Variants in SEM1 observed in about 807,000 individuals in gnomAD.
The protein encoded by SEM1 is SEM1 26S proteasome subunit, also known as 26S proteasome complex subunit SEM1.
In SEM1, 3 loss-of-function variants were observed where a neutral mutation model predicts 12.7. That is an observed-to-expected ratio of 0.24 (90% CI 0.11 to 0.61). The LOEUF (loss-of-function observed/expected upper bound fraction) is 0.61. SEM1 is among the 20% of genes least tolerant of loss of function. SEM1 has a pLI of 0.88. For missense variants in SEM1, 59 were observed against 81.3 expected (o/e 0.73, Z 1.06); for synonymous variants, 30 against 27.8 (o/e 1.08, Z -0.25).
intron 2 of SEM1, among the ~76,000 whole-genome samples, chr7:96,546,596 A>T (rs923795967): frequency 1.3e-5 from 2 of 152,156 alleles, no homozygotes; most frequent in Admixed American, 6.6e-5. Flanking sequence ...AAGAAGGATT[A>T]GTCACTATAT....
intron 2 of SEM1, among the ~76,000 whole-genome samples, chr7:96,656,812 T>C (rs528473313): frequency 6.6e-5 from 10 of 151,476 alleles, no homozygotes; most frequent in African/African-American, 2.2e-4. Flanking sequence ...GGGGCTGATA[T>C]AGCCCAGTTG....
chr7:96,536,964 A>G (rs192786829), intron 2 of SEM1, among the ~76,000 whole-genome samples: 6 of 151,756 alleles, frequency 4.0e-5, no homozygotes, highest in Admixed American at 2.6e-4. Flanking sequence ...AGACTTTCCT[A>G]TTTATTTCAT....
intron 1 of SEM1, among the ~76,000 whole-genome samples, chr7:96,707,817 G>A (rs890189742): frequency 6.6e-6 from 1 of 152,160 alleles, no homozygotes; most frequent in Non-Finnish European, 1.5e-5. Context: ...TTTTTAAGCA[G>A]TCAATTATCA....
At chr7:96,562,126 T>C (rs1224536232) in intron 2 of SEM1, among the ~76,000 whole-genome samples, 1 of 152,176 alleles carries the variant, frequency 6.6e-6, no homozygotes, top group Non-Finnish European at 1.5e-5. Context: ...GAGTTAAAGT[T>C]TAGAGAGAGT....
intron 2 of SEM1, among the ~76,000 whole-genome samples, chr7:96,607,540 C>G (rs556636509): frequency 6.6e-6 from 1 of 152,248 alleles, no homozygotes; most frequent in Non-Finnish European, 1.5e-5. Flanking sequence ...AGAAGAAGTT[C>G]TAGTGCTTAA....
At chr7:96,633,925 A>C (rs2116352290) in intron 2 of SEM1, among the ~76,000 whole-genome samples, 1 of 152,294 alleles carries the variant, frequency 6.6e-6, no homozygotes, top group South Asian at 2.1e-4. Flanking sequence ...CCAATGAAAA[A>C]GTCCACTGTG....
intron 2 of SEM1, among the ~76,000 whole-genome samples, chr7:96,531,375 C>G (rs1804635143): frequency 6.6e-6 from 1 of 151,254 alleles, no homozygotes; most frequent in Non-Finnish European, 1.5e-5. Context: ...TCAAGACCAG[C>G]CTGGGCAACA....
At chr7:96,709,346 A>G (rs1790574158) in intron 1 of SEM1, among the ~76,000 whole-genome samples, 1 of 152,228 alleles carries the variant, frequency 6.6e-6, no homozygotes, top group African/African-American at 2.4e-5. Flanking sequence ...ACAAAAAGAA[A>G]AGGAGGTTAT....
chr7:96,604,796 C>G (rs888529395), intron 2 of SEM1, among the ~76,000 whole-genome samples: 2 of 151,964 alleles, frequency 1.3e-5, no homozygotes, highest in African/African-American at 2.4e-5. Flanking sequence ...GTGCATGCCT[C>G]TAATCCTAGC....
At chr7:96,486,639 C>T (rs1355202410) in intron 1 of SEM1, among the ~76,000 whole-genome samples, 2 of 152,170 alleles carry the variant, frequency 1.3e-5, no homozygotes, top group African/African-American at 4.8e-5. Flanking sequence ...AATCATTCCA[C>T]TCCCTGGTTA....
intron 2 of SEM1, among the ~76,000 whole-genome samples, chr7:96,694,088 G>A (rs1287481006): frequency 5.9e-5 from 9 of 151,814 alleles, no homozygotes; most frequent in African/African-American, 2.4e-5. Flanking sequence ...AAAAAGGTAC[G>A]CACGCAAGGT....
At chr7:96,518,442 G>T (rs1013467265) in intron 2 of SEM1, among the ~76,000 whole-genome samples, 1 of 152,132 alleles carries the variant, frequency 6.6e-6, no homozygotes, top group Non-Finnish European at 1.5e-5. Context: ...AAGAACAAGA[G>T]AATTAAGGCT....
chr7:96,559,523 C>T (rs2115905261), intron 2 of SEM1, among the ~76,000 whole-genome samples: 1 of 152,288 alleles, frequency 6.6e-6, no homozygotes, highest in South Asian at 2.1e-4. Context: ...GATCAAGCGA[C>T]CCACCCACCC....
intron 2 of SEM1, among the ~76,000 whole-genome samples, chr7:96,509,568 A>G (rs1430943490): frequency 6.6e-6 from 1 of 152,114 alleles, no homozygotes; most frequent in African/African-American, 2.4e-5. Flanking sequence ...GATTGTCTCA[A>G]CAACCTAAAC....
At chr7:96,556,594 C>T (rs1222100916) in intron 2 of SEM1, among the ~76,000 whole-genome samples, 2 of 150,846 alleles carry the variant, frequency 1.3e-5, no homozygotes, top group East Asian at 2.0e-4. Context: ...TTGAGGGTAA[C>T]CCGACCTTTC....
At chr7:96,561,136 C>G (rs1805680356) in intron 2 of SEM1, among the ~76,000 whole-genome samples, 1 of 152,122 alleles carries the variant, frequency 6.6e-6, no homozygotes, top group Admixed American at 6.5e-5. Flanking sequence ...GCAAACCCCT[C>G]TTACCATTAC....
intron 2 of SEM1, among the ~76,000 whole-genome samples, chr7:96,528,201 T>C (rs1370979488): frequency 6.6e-6 from 1 of 152,106 alleles, no homozygotes; most frequent in East Asian, 1.9e-4. Context: ...TTTGTGGGGT[T>C]GTTTTGTTTC....
At chr7:96,689,646 G>A (rs891827636) in intron 2 of SEM1, among the ~76,000 whole-genome samples, 7 of 152,288 alleles carry the variant, frequency 4.6e-5, no homozygotes, top group Middle Eastern at 6.8e-3. Context: ...GCAAACACAT[G>A]ACCGGAATAA....
intron 3 of SEM1, among the ~76,000 whole-genome samples, chr7:96,502,176 A>G (rs183369155): frequency 2.6e-5 from 4 of 152,222 alleles, no homozygotes; most frequent in Non-Finnish European, 5.9e-5. Context: ...GGCAAGTACT[A>G]TTATCTCCAG....
Sources: allele counts gnomAD v4.1 joint callset (sites outside exome capture counted in the v4.1 genomes callset), GRCh38; gene constraint gnomAD v4.1.1; transcripts MANE v1.5; gene names NCBI Gene and HGNC (gene_info 2026-07-23, HGNC 2026-07-21).